The following TTLL5 variants were observed in gnomAD, a reference collection of about 807,000 sequenced individuals.
The protein encoded by TTLL5 is tubulin polyglutamylase TTLL5.
A neutral mutation model predicts 168.4 loss-of-function variants in TTLL5; 132 were observed. The ratio of observed to expected loss-of-function variants is 0.78; its 90% confidence interval spans 0.68 to 0.91. TTLL5 has a LOEUF of 0.91. Among genes scored for constraint, TTLL5 ranks in the 40% least tolerant of loss-of-function variants. The pLI is 0.00. For missense variants in TTLL5, 1,545 were observed against 1,581.5 expected (o/e 0.98, Z 0.39); for synonymous variants, 546 against 558.6 (o/e 0.98, Z 0.32).
chr14:75,897,707 T>C (rs892514000), intron 30 of TTLL5, among the ~76,000 whole-genome samples: 1 of 151,942 alleles, frequency 6.6e-6, no homozygotes, highest in Non-Finnish European at 1.5e-5. Context: ...AACTCCTGAC[T>C]TCAGGTCTTC....
intron 30 of TTLL5, among the ~76,000 whole-genome samples, chr14:75,893,120 G>C (rs1044507928): frequency 2.0e-5 from 3 of 152,180 alleles, no homozygotes; most frequent in African/African-American, 7.2e-5. Flanking sequence ...AGTCAGACAT[G>C]TTAGATCATG....
At chr14:75,772,673 T>C (rs1457205926) in intron 21 of TTLL5, among the ~76,000 whole-genome samples, 1 of 151,252 alleles carries the variant, frequency 6.6e-6, no homozygotes, top group African/African-American at 2.4e-5. Flanking sequence ...CATATTCTTT[T>C]TTTTTTTTTT....
intron 31 of TTLL5, among the ~76,000 whole-genome samples, chr14:75,941,903 A>T (rs932799864): frequency 6.7e-6 from 1 of 148,892 alleles, no homozygotes; most frequent in Non-Finnish European, 1.5e-5. Flanking sequence ...AGGATTTCAT[A>T]AAAATGCGGT....
chr14:75,780,806 A>G (rs551332287), intron 24 of TTLL5, among the ~76,000 whole-genome samples: 2 of 152,338 alleles, frequency 1.3e-5, no homozygotes, highest in African/African-American at 4.8e-5. Flanking sequence ...GGAAGTCCTG[A>G]ATCCAGCCCT....
At chr14:75,662,923 T>C (rs771292159) in intron 1 of TTLL5, 132 bp from the exon 2 acceptor site, 3 of 628,810 alleles carry the variant, frequency 4.8e-6, no homozygotes, top group African/African-American at 1.8e-5. Context: ...TTATGGAAAG[T>C]AAACTTCTAG....
At chr14:75,750,011 G>A (rs1049433254) in intron 17 of TTLL5, among the ~76,000 whole-genome samples, 1 of 151,990 alleles carries the variant, frequency 6.6e-6, no homozygotes, top group East Asian at 1.9e-4. Context: ...TAATTTTAAT[G>A]TACTTTGTAT....
intron 28 of TTLL5, among the ~76,000 whole-genome samples, chr14:75,861,529 C>G (rs2030001356): frequency 1.3e-5 from 2 of 152,124 alleles, no homozygotes; most frequent in South Asian, 4.2e-4. Flanking sequence ...CTTCAGGGTT[C>G]CTACACCTCT....
chr14:75,780,206 T>C (rs544522344), intron 24 of TTLL5, among the ~76,000 whole-genome samples: 1 of 152,354 alleles, frequency 6.6e-6, no homozygotes, highest in East Asian at 1.9e-4. Flanking sequence ...CTGACTCTTG[T>C]CAAGTTTGTT....
chr14:75,767,487 A>T (rs1392964823), intron 20 of TTLL5, among the ~76,000 whole-genome samples: 1 of 152,244 alleles, frequency 6.6e-6, no homozygotes, highest in African/African-American at 2.4e-5. Context: ...ATGAGGAGTC[A>T]GTCGTGTGAA....
intron 31 of TTLL5, among the ~76,000 whole-genome samples, chr14:75,922,504 C>G (rs1032851984): frequency 6.6e-6 from 1 of 152,142 alleles, no homozygotes; most frequent in Non-Finnish European, 1.5e-5. Context: ...TGGTTTTTGT[C>G]TCTGGTTCTG....
At chr14:75,662,820 G>C (rs1041334461) in intron 1 of TTLL5, among the ~76,000 whole-genome samples, 3 of 152,038 alleles carry the variant, frequency 2.0e-5, no homozygotes, top group South Asian at 4.1e-4. Flanking sequence ...CTTAGTAACA[G>C]CTCTTCAAAT....
chr14:75,673,790 A>T (rs1046266920), intron 3 of TTLL5, among the ~76,000 whole-genome samples: 1 of 152,162 alleles, frequency 6.6e-6, no homozygotes, highest in Non-Finnish European at 1.5e-5. Flanking sequence ...TGGGATTTGA[A>T]TCCTCCTTCC....
chr14:75,745,709 AT>A, intron 17 of TTLL5, 128 bp downstream of exon 17: 1 of 713,672 alleles, frequency 1.4e-6, no homozygotes, highest in Non-Finnish European at 2.3e-6. Flanking sequence ...AATATGATAA[AT>A]ATTATCCAAC....
At position 75,757,887 on chromosome 14, in the gene TTLL5, G is replaced by A. The variant is rs1014966091; in HGVS notation, c.1550+4932G>A. The A allele has an allele frequency of 3.8e-6, 6 of 1,586,784 alleles. No homozygotes were observed. In the African/African-American group the frequency reaches 6.7e-5, roughly 18 times the overall value. Reference sequence around the variant, plus strand: ...AGAACACGGTAATTGACTTTTAAAAGTTGAGAAATGCTTTCCATGTGCATA... The same window carrying A: ...AGAACACGGTAATTGACTTTTAAAAATTGAGAAATGCTTTCCATGTGCATA... On this transcript the variant is annotated intron_variant, in intron 18 of 31. Coordinates refer to ENST00000298832, the MANE Select transcript of TTLL5 (RefSeq NM_015072.5).
intron 12 of TTLL5, chr14:75,727,901 C>CT: frequency 2.1e-6 from 1 of 470,024 alleles, no homozygotes; most frequent in Non-Finnish European, 4.3e-6. Context: ...ACAAGGAGTC[C>CT]TTTTGGGGTG....
At chr14:75,949,398 A>T (rs1338685726) in intron 31 of TTLL5, among the ~76,000 whole-genome samples, 5 of 147,320 alleles carry the variant, frequency 3.4e-5, no homozygotes, top group Non-Finnish European at 6.0e-5. Flanking sequence ...TAGGATATAG[A>T]ATATATATAT....
chr14:75,877,866 T>G (rs2031583760), intron 29 of TTLL5, among the ~76,000 whole-genome samples: 1 of 152,224 alleles, frequency 6.6e-6, no homozygotes, highest in Non-Finnish European at 1.5e-5. Context: ...TGCTGCTAGT[T>G]TACACACAAC....
At chr14:75,773,927 T>TATATATATATAGAGAGAG (rs1354936334) in intron 21 of TTLL5, among the ~76,000 whole-genome samples, 1 of 21,130 alleles carries the variant, frequency 4.7e-5, no homozygotes, top group Non-Finnish European at 9.4e-5. Context: ...TATATATATA[T>TATATATATATAGAGAGAG]AGAGAGAGAG....
chr14:75,829,258 T>C (rs1289262083), intron 28 of TTLL5, among the ~76,000 whole-genome samples: 3 of 152,176 alleles, frequency 2.0e-5, no homozygotes, highest in African/African-American at 7.2e-5. Flanking sequence ...ATTGCACATA[T>C]ATTTGGTGCT....
Sources: gnomAD v4.1 joint callset for allele counts (sites outside exome capture counted in the v4.1 genomes callset) on GRCh38, gnomAD v4.1.1 for gene constraint, MANE v1.5 for transcripts, NCBI Gene and HGNC (gene_info 2026-07-23, HGNC 2026-07-21) for gene names.